Variants in DDX46 observed in about 807,000 individuals in gnomAD.
DDX46 encodes the protein DEAD-box helicase 46.
Under a neutral mutation model 134.9 loss-of-function variants are expected in DDX46, and 30 were observed. The observed-to-expected ratio is 0.22, with a 90% confidence interval of 0.17 to 0.30. The LOEUF is 0.30. Among genes scored for constraint, DDX46 ranks in the 10% least tolerant of loss-of-function variants. The pLI, the probability that DDX46 is intolerant of heterozygous loss-of-function variation, is 1.00. For missense variants in DDX46, 622 were observed against 1,248.7 expected, an observed-to-expected ratio of 0.50 and a Z score of 7.56; for synonymous variants, 415 against 404.1, an observed-to-expected ratio of 1.03 and a Z score of -0.32.
chr5:134,779,382 C>G (rs1403541533), intron 6 of DDX46, among the ~76,000 whole-genome samples: 1 of 150,182 alleles, frequency 6.7e-6, no homozygotes, highest in Admixed American at 6.6e-5. Context: ...TTAGTAGAGA[C>G]AGGGTTTCAC....
intron 21 of DDX46, among the ~76,000 whole-genome samples, chr5:134,820,184 T>C (rs1296232362): frequency 1.3e-5 from 2 of 152,196 alleles, no homozygotes. Flanking sequence ...TCTCCCAAAG[T>C]GCTGGGATTA....
intron 18 of DDX46, among the ~76,000 whole-genome samples, chr5:134,815,890 G>A (rs1243061672): frequency 6.6e-6 from 1 of 152,000 alleles, no homozygotes; most frequent in Non-Finnish European, 1.5e-5. Flanking sequence ...CAGTTTTTAA[G>A]GCAAATCCAA....
At chr5:134,812,557 A>G (rs1755175558) in intron 18 of DDX46, among the ~76,000 whole-genome samples, 1 of 152,188 alleles carries the variant, frequency 6.6e-6, no homozygotes, top group African/African-American at 2.4e-5. Context: ...TAGGTCCAGG[A>G]CCACAGTGGG....
At chr5:134,821,601 C>T (rs1232926586) in intron 21 of DDX46, among the ~76,000 whole-genome samples, 8 of 145,576 alleles carry the variant, frequency 5.5e-5, no homozygotes, top group Admixed American at 2.8e-4. Context: ...GGCGCAATTT[C>T]GGCTCACTGC....
At chr5:134,769,842 C>T (rs530940346) in intron 3 of DDX46, among the ~76,000 whole-genome samples, 28 of 152,148 alleles carry the variant, frequency 1.8e-4, no homozygotes, top group African/African-American at 5.5e-4. Context: ...CCACCGCGCC[C>T]GGCCGAGTTG....
In DDX46 at chr5:134,794,891, G is replaced by A. The variant is rs200534502; in HGVS notation, c.1668G>A (p.Thr556=). 102 of 1,614,162 alleles carry A rather than the reference G, an allele frequency of 6.3e-5. No homozygotes were observed. Among genetic ancestry groups the A allele is most frequent in the South Asian group, 8.8e-5 (8 of 91,078 alleles). Residue 556 remains threonine (T), a synonymous_variant, in exon 14 of 23, where the codon ACG becomes ACA. Coordinates refer to ENST00000452510, the MANE Select transcript of DDX46 (RefSeq NM_001300860.2). ...ATAATGTTCGTCCTGATCGACAGAC[G>A]GTTATGTTTTCAGCTACTTTCCCCA... ...IVDNVRPDRQ[T]VMFSATFPRA...
At chr5:134,787,629 G>T (rs1296212211) in intron 11 of DDX46, among the ~76,000 whole-genome samples, 2 of 152,158 alleles carry the variant, frequency 1.3e-5, no homozygotes, top group Admixed American at 1.3e-4. Flanking sequence ...GTACATGCCT[G>T]CACGTTGTAT....
intron 11 of DDX46, 118 bp downstream of exon 11, chr5:134,785,704 A>T (rs566535019): frequency 0.011 from 13,661 of 1,224,706 alleles, 103 homozygotes; most frequent in Non-Finnish European, 0.014. Context: ...AAAATCATTT[A>T]AAAAATGAAG....
At chr5:134,764,891 C>G (rs1753514361) in intron 2 of DDX46, among the ~76,000 whole-genome samples, 1 of 150,878 alleles carries the variant, frequency 6.6e-6, no homozygotes, top group South Asian at 2.1e-4. Flanking sequence ...CTCTCCCTTC[C>G]TCCCTCACTC....
intron 21 of DDX46, among the ~76,000 whole-genome samples, chr5:134,821,851 G>A (rs1469949335): frequency 4.6e-5 from 7 of 151,016 alleles, no homozygotes; most frequent in African/African-American, 7.3e-5. Context: ...CACCACGCCC[G>A]GCCTACTTCT....
Position 134,790,635 on chromosome 5 carries a change from T to A in DDX46, c.1626+83T>A. ...GAGAATGAAATGTTCATGTGGTTTC[T>A]GAAATTCACACACACACTTTTCTGT... On this transcript the variant is annotated intron_variant, in intron 13 of 22. Transcript: ENST00000452510. 2.5e-6 allele frequency: 3 copies of A among 1,192,544 alleles called. No individual in the cohort carries two copies. In the Admixed American group the frequency reaches 6.0e-5, roughly 24 times the overall value. The allele number at this position is 1,192,544 out of a possible 1,614,324, so 73.9% of individuals were successfully genotyped here.
At chr5:134,826,792 GGGTAATGTTCCACCA>G (rs1755603342) in intron 21 of DDX46, 140 bp from the exon 22 acceptor site, 3 of 587,856 alleles carry the variant, frequency 5.1e-6, no homozygotes, top group South Asian at 5.2e-5. Context: ...TATATAATGT[GGGTAATGTTCCACCA>G]GGCATTAAAT....
chr5:134,760,793 G>C (rs1222622608), intron 1 of DDX46, among the ~76,000 whole-genome samples: 3 of 151,630 alleles, frequency 2.0e-5, no homozygotes, highest in African/African-American at 7.3e-5. Context: ...GCAGTGGTGG[G>C]ATCTCGGCTC....
At chr5:134,775,214 TCA>T in intron 5 of DDX46, among the ~76,000 whole-genome samples, 2 of 152,210 alleles carry the variant, frequency 1.3e-5, no homozygotes, top group South Asian at 4.1e-4. Context: ...TTGACCTTTC[TCA>T]GTGTTGGGAT....
intron 18 of DDX46, among the ~76,000 whole-genome samples, chr5:134,815,847 A>G (rs1755276875): frequency 2.0e-5 from 3 of 152,052 alleles, no homozygotes; most frequent in African/African-American, 7.2e-5. Context: ...ATTCAAAGGA[A>G]TAAGGGAATA....
intron 4 of DDX46, among the ~76,000 whole-genome samples, chr5:134,772,705 C>G (rs562817477): frequency 6.6e-6 from 1 of 152,116 alleles, no homozygotes; most frequent in Non-Finnish European, 1.5e-5. Context: ...GGGGTTTCCC[C>G]CTGTTGGCCA....
At chr5:134,758,987 G>T (rs1286401095) in intron 1 of DDX46, 32 bp downstream of exon 1, 2 of 1,607,280 alleles carry the variant, frequency 1.2e-6, no homozygotes, top group Middle Eastern at 1.7e-4. Context: ...GCTAGCGGGC[G>T]AGCGGCTTCT....
chr5:134,769,435 A>G (rs554169869), intron 3 of DDX46, among the ~76,000 whole-genome samples: 2 of 140,908 alleles, frequency 1.4e-5, no homozygotes, highest in South Asian at 4.4e-4. Context: ...GGTTCAGGCT[A>G]TTCTCCTGCC....
At chr5:134,817,422 A>G in intron 19 of DDX46, 74 bp from the exon 20 acceptor site, 1 of 1,418,558 alleles carries the variant, frequency 7.0e-7, no homozygotes, top group Non-Finnish European at 9.5e-7. Flanking sequence ...CTTTTCAGAG[A>G]ATAATTTGTG....
Sources: gnomAD v4.1 joint callset for allele counts (sites outside exome capture counted in the v4.1 genomes callset) on GRCh38, gnomAD v4.1.1 for gene constraint, MANE v1.5 for transcripts, NCBI Gene and HGNC (gene_info 2026-07-23, HGNC 2026-07-21) for gene names.